GUCA1A: variants seen among roughly 807,000 people sequenced by gnomAD.
GUCA1A encodes the protein guanylate cyclase activator 1A, also known as guanylyl cyclase-activating protein 1.
In GUCA1A, 14 loss-of-function variants were observed where a neutral mutation model predicts 18.5. The observed-to-expected ratio is 0.76, with a 90% CI of 0.50 to 1.18. The LOEUF (loss-of-function observed/expected upper bound fraction) is 1.18. Ranked by LOEUF, GUCA1A falls within the 50% of genes most tolerant of loss-of-function variation. GUCA1A has a pLI of 0.00. For missense variants in GUCA1A, 264 were observed against 262.4 expected, an observed-to-expected ratio of 1.01 and a Z score of -0.04; for synonymous variants, 97 against 100.2, an observed-to-expected ratio of 0.97 and a Z score of 0.19.
chr6:42,178,390 C>T lies in GUCA1A; in HGVS notation c.312C>T (p.Asn104=), dbSNP rs749013749. 1.9e-6 allele frequency: 3 copies of T among 1,614,026 alleles called. No individual in the cohort carries two copies. The highest frequency in any genetic ancestry group is 2.5e-6 in the Non-Finnish European group (3 of 1,179,900). Residue 104 remains asparagine, a synonymous_variant, in exon 2 of 4, where the codon AAC becomes AAT. Transcript: ENST00000372958. ...TCAAGCTCTATGATGTAGATGGCAA[C>T]GGCTGCATTGACCGCGATGAGCTGC... ...WYFKLYDVDG[N]GCIDRDELLT... is the part of the protein sequence containing the mutation.
intron 1 of GUCA1A, among the ~76,000 whole-genome samples, chr6:42,175,979 A>G (rs1270889351): frequency 3.9e-5 from 6 of 151,948 alleles, no homozygotes; most frequent in Non-Finnish European, 8.8e-5. Context: ...TCCTAGTCCC[A>G]CCTTTCCCCG....
Position 42,179,033 on chromosome 6 carries a change from C to A in GUCA1A, c.445+138C>A, listed in dbSNP as rs1348665872. On this transcript the variant is annotated intron_variant, in intron 3 of 3. Coordinates refer to ENST00000372958, the MANE Select transcript of GUCA1A (RefSeq NM_001384910.1). ...CCCCCGTGCTGGTCACTTCCTCCAC[C>A]TGCCTCTGCCCCAGCCACAAAGTTG... 4 of 873,160 alleles carry A rather than the reference C, an allele frequency of 4.6e-6. No homozygotes were observed. In the East Asian group the frequency reaches 1.0e-4, roughly 22 times the overall value. The allele number at this position is 873,160 out of a possible 1,614,324, so 54.1% of individuals were successfully genotyped here. A position where few individuals can be genotyped will look rare whatever the true frequency, so the allele number is the denominator to read the frequency against.
Position 42,178,387 on chromosome 6 carries a change from C to T in GUCA1A, c.309C>T (p.Gly103=). ...RWYFKLYDVD[G]NGCIDRDELL... is the part of the protein sequence containing the mutation. ...ACTTCAAGCTCTATGATGTAGATGGCAACGGCTGCATTGACCGCGATGAGC... is the reference window on the plus strand; with the variant it reads ...ACTTCAAGCTCTATGATGTAGATGGTAACGGCTGCATTGACCGCGATGAGC... The change falls in exon 2 of 4, where the codon GGC becomes GGT. Residue 103 remains glycine (G), a synonymous_variant. Transcript: ENST00000372958. The T allele has an allele frequency of 6.2e-7, 1 of 1,613,946 alleles. No homozygotes were observed. Among genetic ancestry groups the T allele is most frequent in the Non-Finnish European group, 8.5e-7 (1 of 1,179,828 alleles).
chr6:42,173,456 C>T lies in GUCA1A; in HGVS notation c.-158C>T. The T allele has an allele frequency of 1.5e-6, 1 of 680,844 alleles. No homozygotes were observed. Among genetic ancestry groups the T allele is most frequent in the South Asian group, 1.6e-5 (1 of 64,022 alleles). The allele number at this position is 680,844 out of a possible 1,614,324, so 42.2% of individuals were successfully genotyped here. A position where few individuals can be genotyped will look rare whatever the true frequency, so the allele number is the denominator to read the frequency against. ...TCTGCTCTCTCCCTCTCCACATTTC[C>T]CGGTACCATCTGATCCATCAGGCCC... On this transcript the variant is annotated 5_prime_UTR_variant, in exon 1 of 4. Transcript: ENST00000372958.
chr6:42,175,607 C>T (rs1382290640), intron 1 of GUCA1A, among the ~76,000 whole-genome samples: 2 of 152,050 alleles, frequency 1.3e-5, no homozygotes, highest in Non-Finnish European at 2.9e-5. Context: ...TCAGGTGATC[C>T]GCCCACCTCG....
chr6:42,176,490 A>G (rs1364688858), intron 1 of GUCA1A, among the ~76,000 whole-genome samples: 5 of 151,906 alleles, frequency 3.3e-5, no homozygotes, highest in African/African-American at 7.3e-5. Flanking sequence ...CTGGAGTGCA[A>G]TGGCACGATC....
chr6:42,177,899 C>A (rs1767999712), intron 1 of GUCA1A, among the ~76,000 whole-genome samples: 3 of 152,240 alleles, frequency 2.0e-5, no homozygotes, highest in Admixed American at 2.0e-4. Context: ...CTCCTCCCAC[C>A]TACGCACATG....
At chr6:42,175,600 G>A (rs574206257) in intron 1 of GUCA1A, among the ~76,000 whole-genome samples, 1 of 152,080 alleles carries the variant, frequency 6.6e-6, no homozygotes, top group African/African-American at 2.4e-5. Context: ...CTTGACCTCA[G>A]GTGATCCGCC....
At position 42,178,879 on chromosome 6, in the gene GUCA1A, T is replaced by C. The variant is rs749858731; in HGVS notation, c.429T>C (p.Ile143=). ...TCACCGATACAGTGTTCTCCAAGAT[T>C]GACGTCAACGGGGATGGTGAGGGGG... ...EEFTDTVFSK[I]DVNGDGELSL... The change falls in exon 3 of 4, where the codon ATT becomes ATC. Residue 143 remains isoleucine (I), a synonymous_variant. Coordinates refer to ENST00000372958, the MANE Select transcript of GUCA1A (RefSeq NM_001384910.1). 4 of 1,612,928 alleles carry C rather than the reference T, an allele frequency of 2.5e-6. No homozygotes were observed. In the African/African-American group the frequency reaches 5.3e-5, roughly 22 times the overall value.
chr6:42,177,115 G>C (rs1418111204), intron 1 of GUCA1A, among the ~76,000 whole-genome samples: 2 of 152,110 alleles, frequency 1.3e-5, no homozygotes, highest in Non-Finnish European at 2.9e-5. Context: ...ATGTTTGTCT[G>C]GGCTTGGGTT....
rs558958861 is a variant in GUCA1A at position 42,177,179 on chromosome 6, T to C, written c.202-1101T>C. On this transcript the variant is annotated intron_variant, in intron 1 of 3. Transcript: ENST00000372958. ...ATCAATGCAAATCTCCATCTGCATT[T>C]GAGTACTGATATAGGATGATTTAGG... 2.6e-5 allele frequency among the ~76,000 whole-genome samples: 4 copies of C among 152,256 alleles called. No individual in the cohort carries two copies. In the South Asian group the frequency reaches 6.2e-4, roughly 24 times the overall value.
chr6:42,175,290 C>T (rs13203075), intron 1 of GUCA1A, among the ~76,000 whole-genome samples: 8,249 of 149,874 alleles, frequency 0.055, 300 homozygotes, highest in Admixed American at 0.1. Context: ...ACACATATGA[C>T]GCCGGTGGGG....
chr6:42,179,383 G>A lies in GUCA1A; in HGVS notation c.586G>A (p.Ala196Thr). The change falls in exon 4 of 4, where the codon GCC becomes ACC. Residue 196 changes from alanine to threonine, a missense_variant. Coordinates refer to ENST00000372958, the MANE Select transcript of GUCA1A (RefSeq NM_001384910.1). Reference sequence around the variant, plus strand: ...GCAAGACGAGGAGGGGGCTGACGAGGCCGCTGAGGCAGCCGGCTGAGTGCA... The same window carrying A: ...GCAAGACGAGGAGGGGGCTGACGAGACCGCTGAGGCAGCCGGCTGAGTGCA... ...GEQDEEGADEAAEAAG is the reference protein window; with the variant it reads ...GEQDEEGADETAEAAG 3 of 1,603,082 alleles carry A rather than the reference G, an allele frequency of 1.9e-6. No individual in the cohort carries two copies. The highest frequency in any genetic ancestry group is 1.1e-5 in the South Asian group (1 of 90,100).
intron 1 of GUCA1A, among the ~76,000 whole-genome samples, chr6:42,177,026 G>A (rs1168669694): frequency 6.6e-6 from 1 of 152,220 alleles, no homozygotes; most frequent in Non-Finnish European, 1.5e-5. Flanking sequence ...TATTGCACCA[G>A]ATGTGCAGGG....
rs10559617 is a variant in GUCA1A, at chr6:42,175,353, C to CTTTT, written c.201+1561_201+1564dup. Among the ~76,000 whole-genome samples the CTTTT allele has an allele frequency of 2.2e-3, 143 of 63,900 alleles. 1 individual carries two copies. Among genetic ancestry groups the CTTTT allele is most frequent in the African/African-American group, 3.6e-3 (64 of 17,718 alleles). The allele number at this position is 63,900 out of a possible 152,430, so 41.9% of individuals were successfully genotyped here. On this transcript the variant is annotated intron_variant, in intron 1 of 3. Transcript: ENST00000372958. ...CGACCCTGTATTTGCCTAATCATGT[C>CTTTT]TTTTTTTTTTTTTTTTTTTTTTTTT...
chr6:42,175,105 T>TCACATTCAA (rs779634485), intron 1 of GUCA1A, among the ~76,000 whole-genome samples: 12 of 152,198 alleles, frequency 7.9e-5, no homozygotes, highest in Non-Finnish European at 1.5e-4. Context: ...GATGGCATCA[T>TCACATTCAA]CACATTCAAC....
chr6:42,178,745 C>A (rs1768030683), intron 2 of GUCA1A, 57 bp from the exon 3 acceptor site: 4 of 1,315,596 alleles, frequency 3.0e-6, no homozygotes, highest in Middle Eastern at 1.8e-4. Flanking sequence ...CCCAATCCTA[C>A]CCCTGAGATA....
intron 1 of GUCA1A, 142 bp from the exon 2 acceptor site, chr6:42,178,138 G>A (rs1007350612): frequency 2.4e-5 from 23 of 968,168 alleles, no homozygotes; most frequent in Non-Finnish European, 3.6e-5. Context: ...CCCCCTCGCT[G>A]CATCTCCGAG....
chr6:42,176,371 T>C (rs1175867380), intron 1 of GUCA1A, among the ~76,000 whole-genome samples: 3 of 152,214 alleles, frequency 2.0e-5, no homozygotes, highest in Non-Finnish European at 4.4e-5. Context: ...GTTTAGCAGA[T>C]TGGCTAGGAG....
Sources: allele counts gnomAD v4.1 joint callset (sites outside exome capture counted in the v4.1 genomes callset), GRCh38; gene constraint gnomAD v4.1.1; transcripts MANE v1.5; gene names NCBI Gene and HGNC (gene_info 2026-07-23, HGNC 2026-07-21).